Variants in PPP2R2B observed in about 807,000 individuals in gnomAD.
PPP2R2B encodes the protein serine/threonine-protein phosphatase 2A 55 kDa regulatory subunit B beta isoform.
PPP2R2B carries 5 observed loss-of-function variants against 46.0 expected under a neutral mutation model. That is an observed-to-expected ratio of 0.11 (90% CI 0.06 to 0.23). PPP2R2B has a LOEUF of 0.23. Ranked by LOEUF, PPP2R2B falls within the 10% of genes least tolerant of loss-of-function variation. The pLI, the probability that PPP2R2B is intolerant of heterozygous loss-of-function variation, is 1.00. For synonymous variants in PPP2R2B, 215 were observed against 206.7 expected (o/e 1.04, Z -0.34); for missense variants, 367 against 575.0 (o/e 0.64, Z 3.70).
chr5:146,971,034 T>C (rs1025988848), intron 1 of PPP2R2B, among the ~76,000 whole-genome samples: 27 of 152,286 alleles, frequency 1.8e-4, no homozygotes, highest in African/African-American at 6.5e-4. Context: ...AAATTATATT[T>C]TGTTGTTTCC....
intron 2 of PPP2R2B, among the ~76,000 whole-genome samples, chr5:146,839,963 G>A (rs751511149): frequency 1.1e-4 from 16 of 152,220 alleles, no homozygotes; most frequent in Non-Finnish European, 2.2e-4. Context: ...GAAGTCAAGT[G>A]TATCTTTAGC....
chr5:146,623,444 A>T (rs1284570488), intron 7 of PPP2R2B, among the ~76,000 whole-genome samples: 1 of 152,264 alleles, frequency 6.6e-6, no homozygotes, highest in African/African-American at 2.4e-5. Flanking sequence ...CAGTAATTGC[A>T]TAAGTCTGTC....
intron 2 of PPP2R2B, among the ~76,000 whole-genome samples, chr5:146,738,136 A>G (rs543753333): frequency 2.0e-5 from 3 of 151,730 alleles, no homozygotes; most frequent in Non-Finnish European, 2.9e-5. Flanking sequence ...GTGGCTCACA[A>G]CTGTAATCCC....
intron 2 of PPP2R2B, among the ~76,000 whole-genome samples, chr5:146,830,138 G>A (rs910794994): frequency 2.0e-5 from 3 of 151,984 alleles, no homozygotes; most frequent in African/African-American, 7.3e-5. Flanking sequence ...CTTCATTACT[G>A]CTATATGTAA....
intron 1 of PPP2R2B, among the ~76,000 whole-genome samples, chr5:146,994,176 G>A (rs909968810): frequency 1.3e-5 from 2 of 152,158 alleles, no homozygotes; most frequent in African/African-American, 4.8e-5. Flanking sequence ...GCTCCAGCAG[G>A]CTTTTCCTAC....
chr5:146,820,348 A>C (rs994138222), intron 2 of PPP2R2B, among the ~76,000 whole-genome samples: 1 of 152,212 alleles, frequency 6.6e-6, no homozygotes, highest in African/African-American at 2.4e-5. Flanking sequence ...AACATTAAAA[A>C]ATTTTAAACA....
intron 1 of PPP2R2B, among the ~76,000 whole-genome samples, chr5:146,961,271 C>T (rs1194586402): frequency 1.3e-5 from 2 of 152,082 alleles, no homozygotes; most frequent in Non-Finnish European, 2.9e-5. Flanking sequence ...ATGATGAACA[C>T]CAATGTAGGT....
intron 1 of PPP2R2B, among the ~76,000 whole-genome samples, chr5:147,011,299 G>GCC (rs141651279): frequency 1.3e-5 from 2 of 151,066 alleles, no homozygotes; most frequent in African/African-American, 4.9e-5. Flanking sequence ...AATTATAAAT[G>GCC]CCCCCCCCAT....
At chr5:146,694,922 ATATATT>A (rs1303883981) in intron 4 of PPP2R2B, among the ~76,000 whole-genome samples, 2 of 152,138 alleles carry the variant, frequency 1.3e-5, no homozygotes, top group East Asian at 1.9e-4. Context: ...ATCCCTGCAA[ATATATT>A]TATAGGGATA....
At chr5:146,773,962 G>A (rs551510628) in intron 2 of PPP2R2B, among the ~76,000 whole-genome samples, 9 of 152,076 alleles carry the variant, frequency 5.9e-5, no homozygotes, top group African/African-American at 1.7e-4. Flanking sequence ...ACTGCAACCC[G>A]TCGTAATAGG....
chr5:146,792,150 T>C (rs993479296), intron 2 of PPP2R2B, among the ~76,000 whole-genome samples: 1 of 152,184 alleles, frequency 6.6e-6, no homozygotes, highest in Non-Finnish European at 1.5e-5. Context: ...CCGGGTAACA[T>C]AGCTAGGCTC....
intron 1 of PPP2R2B, among the ~76,000 whole-genome samples, chr5:146,937,872 A>T (rs754605181): frequency 6.6e-6 from 1 of 152,172 alleles, no homozygotes; most frequent in Non-Finnish European, 1.5e-5. Flanking sequence ...TTGAAAGAAA[A>T]TTCATTACAT....
intron 1 of PPP2R2B, among the ~76,000 whole-genome samples, chr5:147,052,780 G>A (rs193009088): frequency 7.2e-3 from 1,090 of 152,156 alleles, no homozygotes; most frequent in Middle Eastern, 0.017. Flanking sequence ...GTGAGTGTTT[G>A]TGTTTTAGAG....
chr5:146,783,430 C>G lies in PPP2R2B; in HGVS notation c.71-82288G>C, dbSNP rs1007396040. Among the ~76,000 whole-genome samples, 3 of 152,228 alleles carry G rather than the reference C, an allele frequency of 2.0e-5. No homozygotes were observed. In the East Asian group the frequency reaches 5.8e-4, roughly 29 times the overall value. ...CCACAAAAATGCTCATAAAACCTAC[C>G]TTTGGGTGCTTTAAGCATCTGTCTG... is the stretch of plus-strand genomic sequence containing the variant. On this transcript the variant is annotated intron_variant, in intron 2 of 9. Coordinates refer to ENST00000394411, the MANE Select transcript of PPP2R2B (RefSeq NM_181675.4).
chr5:146,877,861 C>T (rs762933184), intron 2 of PPP2R2B, 141 bp downstream of exon 2: 33 of 987,836 alleles, frequency 3.3e-5, no homozygotes, highest in Non-Finnish European at 4.7e-5. Context: ...TGCACTGGGG[C>T]TGCCGGGGCC....
intron 1 of PPP2R2B, among the ~76,000 whole-genome samples, chr5:146,938,996 G>T (rs777223380): frequency 6.6e-6 from 1 of 151,956 alleles, no homozygotes; most frequent in Non-Finnish European, 1.5e-5. Flanking sequence ...GCCCAGGCTG[G>T]TCTCGAACTC....
At chr5:146,997,862 T>C (rs769209814) in intron 1 of PPP2R2B, among the ~76,000 whole-genome samples, 2 of 152,228 alleles carry the variant, frequency 1.3e-5, no homozygotes, top group Non-Finnish European at 2.9e-5. Context: ...ATATAAGTGC[T>C]GGGTTTTGAT....
At chr5:147,055,815 T>C in exon 1 of PPP2R2B, 1 of 1,540,694 alleles carries the variant, frequency 6.5e-7, no homozygotes, top group South Asian at 1.2e-5. Context: ...CTCGGCCTTT[T>C]AAGCTGGCTA....
At chr5:146,808,529 A>G (rs1757330135) in intron 2 of PPP2R2B, among the ~76,000 whole-genome samples, 1 of 152,160 alleles carries the variant, frequency 6.6e-6, no homozygotes, top group Admixed American at 6.5e-5. Flanking sequence ...GGCTGTCTGG[A>G]AAGGAAGAAC....
Sources: allele counts gnomAD v4.1 joint callset (sites outside exome capture counted in the v4.1 genomes callset), GRCh38; gene constraint gnomAD v4.1.1; transcripts MANE v1.5; gene names NCBI Gene and HGNC (gene_info 2026-07-23, HGNC 2026-07-21).